Variants in GSE1 observed in about 807,000 individuals in gnomAD.
GSE1 encodes genetic suppressor element 1.
In GSE1, 32 loss-of-function variants were observed where a neutral mutation model predicts 112.6. The ratio of observed to expected loss-of-function variants is 0.28; its 90% CI spans 0.21 to 0.38. GSE1 has a LOEUF of 0.38. GSE1 is among the 10% of genes least tolerant of loss of function. The pLI, the probability that GSE1 is intolerant of heterozygous loss-of-function variation, is 1.00. For missense variants in GSE1, 2,348 were observed against 1,699.2 expected (o/e 1.38, Z -6.71); for synonymous variants, 1,115 against 735.6 (o/e 1.52, Z -8.35).
intron 1 of GSE1, among the ~76,000 whole-genome samples, chr16:85,186,008 T>C (rs560040155): frequency 6.6e-6 from 1 of 152,092 alleles, no homozygotes; most frequent in Non-Finnish European, 1.5e-5. Context: ...CAGATGAGAG[T>C]AGATGGAAGC....
chr16:85,496,444 C>A (rs2051180214), intron 2 of GSE1, among the ~76,000 whole-genome samples: 1 of 152,302 alleles, frequency 6.6e-6, no homozygotes, highest in Non-Finnish European at 1.5e-5. Flanking sequence ...AGAGAGGGAA[C>A]CATTACTGTG....
At chr16:85,235,343 C>T (rs1488414234) in intron 1 of GSE1, among the ~76,000 whole-genome samples, 1 of 151,644 alleles carries the variant, frequency 6.6e-6, no homozygotes, top group African/African-American at 2.4e-5. Context: ...TTGGTTCTGG[C>T]CCCCTCACCC....
chr16:85,626,103 G>T lies in GSE1; in HGVS notation c.8-7811G>T, dbSNP rs182548072. Among the ~76,000 whole-genome samples, 998 of 152,184 alleles carry T rather than the reference G, an allele frequency of 6.6e-3. 11 individuals are homozygous for T. The highest frequency in any genetic ancestry group is 0.023 in the African/African-American group (958 of 41,524). On this transcript the variant is annotated intron_variant, in intron 1 of 15. Transcript: ENST00000253458. The stretch of plus-strand genomic sequence containing the variant: ...GACCTTGGGAAGCAAGTCCAGTATG[G>T]GGACCCAGGGCAGCCTGGGGGGGTG...
intron 1 of GSE1, among the ~76,000 whole-genome samples, chr16:85,317,919 G>A (rs1318271941): frequency 6.6e-6 from 1 of 152,210 alleles, no homozygotes; most frequent in Non-Finnish European, 1.5e-5. Flanking sequence ...GGGGTTCCTG[G>A]GGGAGGTGGG....
chr16:85,553,521 C>T (rs1390688716), upstream of GSE1, among the ~76,000 whole-genome samples: 2 of 151,512 alleles, frequency 1.3e-5, no homozygotes, highest in Non-Finnish European at 2.9e-5. Flanking sequence ...GTGCGCTAGG[C>T]CGCCCGCTGG....
At chr16:85,418,641 T>C (rs1438371049) in intron 2 of GSE1, among the ~76,000 whole-genome samples, 1 of 152,026 alleles carries the variant, frequency 6.6e-6, no homozygotes, top group Non-Finnish European at 1.5e-5. Flanking sequence ...ACAGGCACCA[T>C]CAAGAGGACA....
chr16:85,513,108 G>T (rs1050765649), intron 2 of GSE1, among the ~76,000 whole-genome samples: 1 of 152,114 alleles, frequency 6.6e-6, no homozygotes, highest in Non-Finnish European at 1.5e-5. Flanking sequence ...TGGTCCATCA[G>T]CCCATCTGGG....
chr16:85,311,483 C>A lies in GSE1; in HGVS notation c.2284-45980C>A, dbSNP rs1433311077. On this transcript the variant is annotated intron_variant, in intron 1 of 2. Transcript: ENST00000637419. This position sits in a 1 kb window ranked among gnomAD's most constrained non-coding sequence, Gnocchi z 4.2. Reference sequence around the variant, plus strand: ...GGACGTGGGCGGAGCCCTCGGCTGCCTCCCACCGTGGGACATTGGGGAGGG... The same window carrying A: ...GGACGTGGGCGGAGCCCTCGGCTGCATCCCACCGTGGGACATTGGGGAGGG... Among the ~76,000 whole-genome samples, 3 of 151,986 alleles carry A rather than the reference C, an allele frequency of 2.0e-5. No homozygotes were observed. The highest frequency in any genetic ancestry group is 2.9e-5 in the Non-Finnish European group (2 of 67,970).
chr16:85,476,429 A>G (rs1245613677), intron 2 of GSE1, among the ~76,000 whole-genome samples: 1 of 152,212 alleles, frequency 6.6e-6, no homozygotes, highest in Non-Finnish European at 1.5e-5. Flanking sequence ...CAGATAAGGC[A>G]GGCAGCCAGC....
chr16:85,328,390 G>C (rs1000297618), intron 1 of GSE1, among the ~76,000 whole-genome samples: 1 of 152,270 alleles, frequency 6.6e-6, no homozygotes, highest in East Asian at 1.9e-4. Context: ...AGGAAGAGCC[G>C]GCTGAGCCAG....
chr16:85,188,322 G>A (rs2074750945), intron 1 of GSE1, among the ~76,000 whole-genome samples: 2 of 152,232 alleles, frequency 1.3e-5, no homozygotes. Context: ...ACAGTAGAGT[G>A]TGTGTCACAG....
intron 1 of GSE1, among the ~76,000 whole-genome samples, chr16:85,282,152 C>T (rs1312080228): frequency 1.3e-5 from 2 of 151,950 alleles, no homozygotes; most frequent in South Asian, 2.1e-4. Flanking sequence ...CTCAGCCTCT[C>T]GAGTAGCTGG....
intron 2 of GSE1, among the ~76,000 whole-genome samples, chr16:85,528,468 C>T (rs2052433516): frequency 6.8e-6 from 1 of 147,936 alleles, no homozygotes; most frequent in Non-Finnish European, 1.5e-5. Context: ...TGTGCACCAC[C>T]ACCCCCGGCT....
intron 1 of GSE1, among the ~76,000 whole-genome samples, chr16:85,564,205 T>C (rs984840087): frequency 7.2e-5 from 11 of 152,162 alleles, no homozygotes; most frequent in African/African-American, 2.4e-4. Flanking sequence ...GAGGTGGCAC[T>C]AAAAGCAGGC....
At chr16:85,450,264 A>G (rs1305850766) in intron 2 of GSE1, among the ~76,000 whole-genome samples, 2 of 149,102 alleles carry the variant, frequency 1.3e-5, no homozygotes, top group African/African-American at 5.0e-5. Context: ...GATTACAGGC[A>G]TATGCCACCA....
intron 1 of GSE1, among the ~76,000 whole-genome samples, chr16:85,202,011 G>C (rs1193571905): frequency 3.9e-5 from 6 of 152,244 alleles, no homozygotes. Context: ...TTTTAAAAGT[G>C]AGTTGATGAA....
At chr16:85,283,994 TGTGA>T (rs764171826) in intron 1 of GSE1, among the ~76,000 whole-genome samples, 1 of 152,126 alleles carries the variant, frequency 6.6e-6, no homozygotes, top group African/African-American at 2.4e-5. Flanking sequence ...AGTTTCCTCT[TGTGA>T]GTAAGATGGG....
At chr16:85,211,340 T>A (rs540150935) in intron 1 of GSE1, among the ~76,000 whole-genome samples, 1 of 151,840 alleles carries the variant, frequency 6.6e-6, no homozygotes, top group Non-Finnish European at 1.5e-5. Flanking sequence ...AATGTCTTTC[T>A]TGCTAAGCAC....
intron 2 of GSE1, among the ~76,000 whole-genome samples, chr16:85,376,362 T>G (rs2047420045): frequency 6.6e-6 from 1 of 152,222 alleles, no homozygotes; most frequent in Non-Finnish European, 1.5e-5. Flanking sequence ...CCCGTTAGGA[T>G]TACTGCAACT....
Sources: allele counts gnomAD v4.1 joint callset (sites outside exome capture counted in the v4.1 genomes callset), GRCh38; gene constraint gnomAD v4.1.1; non-coding constraint Gnocchi (gnomAD v3.1); transcripts MANE v1.5; gene names NCBI Gene and HGNC (gene_info 2026-07-23, HGNC 2026-07-21).